GARNL3: variants seen among roughly 807,000 people sequenced by gnomAD.
GARNL3 encodes the protein GTPase-activating Rap/Ran-GAP domain-like protein 3.
Under a neutral mutation model 125.0 loss-of-function variants are expected in GARNL3, and 63 were observed. That is an observed-to-expected ratio of 0.50 (90% confidence interval 0.41 to 0.62). The LOEUF is 0.62. Among genes scored for constraint, GARNL3 ranks in the 20% least tolerant of loss-of-function variants. The probability of loss-of-function intolerance (pLI) is 0.00; values close to 1 mark genes in which losing one functional copy is unlikely to be tolerated. For synonymous variants in GARNL3, 439 were observed against 457.5 expected (o/e 0.96, Z 0.52); for missense variants, 994 against 1,244.0 (o/e 0.80, Z 3.02).
upstream of GARNL3, among the ~76,000 whole-genome samples, chr9:127,260,969 A>G (rs1054093577): frequency 2.6e-5 from 4 of 152,310 alleles, no homozygotes; most frequent in East Asian, 3.9e-4. Context: ...AGAATCTTCT[A>G]TGTGGGCCGG....
chr9:127,330,764 G>C (rs951274000), intron 7 of GARNL3, among the ~76,000 whole-genome samples: 3 of 152,330 alleles, frequency 2.0e-5, no homozygotes, highest in African/African-American at 7.2e-5. Context: ...TACGTGATGG[G>C]AGAGAGCCAG....
chr9:127,389,148 G>C, intron 26 of GARNL3, 29 bp downstream of exon 26: 1 of 1,503,344 alleles, frequency 6.7e-7, no homozygotes, highest in South Asian at 1.1e-5. Context: ...GGTTTCCACT[G>C]TCTGTGAACA....
At chr9:127,315,367 T>C (rs2065212462) in intron 4 of GARNL3, among the ~76,000 whole-genome samples, 1 of 152,200 alleles carries the variant, frequency 6.6e-6, no homozygotes. Flanking sequence ...CCCAGCACAG[T>C]GGCTCATGCC....
intron 24 of GARNL3, 53 bp from the exon 25 acceptor site, chr9:127,387,140 A>C: frequency 6.4e-7 from 1 of 1,572,120 alleles, no homozygotes. Context: ...GGGCCAGTGG[A>C]TGCAAGGCCT....
At chr9:127,355,039 C>T (rs538332202) in intron 19 of GARNL3, among the ~76,000 whole-genome samples, 17 of 152,180 alleles carry the variant, frequency 1.1e-4, no homozygotes, top group African/African-American at 3.4e-4. Context: ...GTTATTCGCC[C>T]GCCTCGGCCT....
chr9:127,338,876 C>T (rs1829697580), intron 12 of GARNL3, among the ~76,000 whole-genome samples: 1 of 152,204 alleles, frequency 6.6e-6, no homozygotes, highest in African/African-American at 2.4e-5. Context: ...AGAGAAGGCA[C>T]TCCTGGCATG....
intron 1 of GARNL3, among the ~76,000 whole-genome samples, chr9:127,275,641 A>G (rs562410350): frequency 6.6e-6 from 1 of 152,098 alleles, no homozygotes; most frequent in Non-Finnish European, 1.5e-5. Context: ...TTATATCACT[A>G]ATCAAATTTA....
At chr9:127,379,919 C>G (rs1385438030) in intron 22 of GARNL3, among the ~76,000 whole-genome samples, 4 of 152,178 alleles carry the variant, frequency 2.6e-5, no homozygotes, top group Non-Finnish European at 5.9e-5. Context: ...GTGGCTCACA[C>G]TTGTAATCCC....
chr9:127,338,460 A>T, intron 12 of GARNL3, among the ~76,000 whole-genome samples: 1 of 152,216 alleles, frequency 6.6e-6, no homozygotes, highest in East Asian at 1.9e-4. Flanking sequence ...TTGCCTGCTT[A>T]TCTTTCTGTT....
At chr9:127,307,306 A>G (rs2064985104) in intron 2 of GARNL3, among the ~76,000 whole-genome samples, 1 of 152,204 alleles carries the variant, frequency 6.6e-6, no homozygotes, top group Non-Finnish European at 1.5e-5. Flanking sequence ...TTAAGGAAGA[A>G]GTTTACGATG....
intron 22 of GARNL3, among the ~76,000 whole-genome samples, chr9:127,382,841 GAAT>G (rs903215129): frequency 6.6e-6 from 1 of 152,150 alleles, no homozygotes; most frequent in African/African-American, 2.4e-5. Context: ...AAGTCCTCTT[GAAT>G]AATAATAAAA....
intron 22 of GARNL3, among the ~76,000 whole-genome samples, chr9:127,365,777 T>C (rs10819279): frequency 0.16 from 23,726 of 152,126 alleles, 2,193 homozygotes; most frequent in South Asian, 0.34. Context: ...CTCGTCAAGG[T>C]CTTGTGGCTA....
chr9:127,337,139 G>A (rs1416793467), intron 11 of GARNL3, among the ~76,000 whole-genome samples: 2 of 152,078 alleles, frequency 1.3e-5, no homozygotes, highest in African/African-American at 2.4e-5. Context: ...CAAACAATAT[G>A]CACTTGCACC....
At position 127,231,333 on chromosome 9, in the gene GARNL3, A is replaced by G. The variant is rs548277128; in HGVS notation, c.-29+6995A>G. On this transcript the variant is annotated intron_variant, in intron 1 of 10. Coordinates refer to the GARNL3 transcript ENST00000439286. ...ATGATCCGCCCGCCTCGGCCTCCCA[A>G]CGTGCTGGGATTACAGGCGTGAGCC... is the stretch of plus-strand genomic sequence containing the variant. 1.3e-3 allele frequency among the ~76,000 whole-genome samples: 188 copies of G among 148,466 alleles called. 1 individual carries two copies. The highest frequency in any genetic ancestry group is 0.012 in the South Asian group (59 of 4,728).
At chr9:127,225,706 C>T (rs1291068535) in intron 1 of GARNL3, among the ~76,000 whole-genome samples, 1 of 151,998 alleles carries the variant, frequency 6.6e-6, no homozygotes, top group Non-Finnish European at 1.5e-5. Flanking sequence ...CTGGTAAACC[C>T]TCAAGGGCAA....
chr9:127,293,035 G>T (rs2064472386), intron 2 of GARNL3, among the ~76,000 whole-genome samples: 1 of 152,160 alleles, frequency 6.6e-6, no homozygotes, highest in South Asian at 2.1e-4. Flanking sequence ...ACTGTTTTAG[G>T]TTTTATTTCC....
chr9:127,231,038 A>ATT (rs2062996141), intron 1 of GARNL3, among the ~76,000 whole-genome samples: 1 of 45,296 alleles, frequency 2.2e-5, no homozygotes, highest in Non-Finnish European at 3.8e-5. Context: ...ATATATACAT[A>ATT]TATATATATA....
At chr9:127,332,493 A>G in intron 8 of GARNL3, 144 bp downstream of exon 8, 1 of 690,118 alleles carries the variant, frequency 1.4e-6, no homozygotes, top group South Asian at 1.7e-5. Context: ...TGAATTTTGT[A>G]GGGCAGTTGT....
intron 19 of GARNL3, 21 bp downstream of exon 19, chr9:127,354,431 A>T: frequency 1.5e-6 from 2 of 1,349,856 alleles, no homozygotes; most frequent in East Asian, 2.3e-5. Flanking sequence ...AGATTGGTAG[A>T]TTCCATTCGA....
Sources: allele counts gnomAD v4.1 joint callset (sites outside exome capture counted in the v4.1 genomes callset), GRCh38; gene constraint gnomAD v4.1.1; transcripts MANE v1.5; gene names NCBI Gene and HGNC (gene_info 2026-07-23, HGNC 2026-07-21).